Variants in RBFOX1 observed in about 807,000 individuals in gnomAD.
RBFOX1 encodes the protein RNA binding protein fox-1 homolog 1.
In RBFOX1, 8 loss-of-function variants were observed where a neutral mutation model predicts 57.7. That is an observed-to-expected ratio of 0.14 (90% confidence interval 0.08 to 0.25). The LOEUF is 0.25. Among genes scored for constraint, RBFOX1 ranks in the 10% least tolerant of loss-of-function variants. The pLI is 1.00. For missense variants in RBFOX1, 611 were observed against 548.5 expected (o/e 1.11, Z -1.14); for synonymous variants, 326 against 222.4 (o/e 1.47, Z -4.15).
intron 3 of RBFOX1, among the ~76,000 whole-genome samples, chr16:6,656,150 C>T (rs1391470436): frequency 6.6e-6 from 1 of 152,086 alleles, no homozygotes; most frequent in African/African-American, 2.4e-5. Flanking sequence ...TTAGGTGAAG[C>T]GTGTGTCCAA....
chr16:6,859,140 CGTATATATAT>C (rs2058487085), intron 3 of RBFOX1, among the ~76,000 whole-genome samples: 9 of 91,526 alleles, frequency 9.8e-5, no homozygotes, highest in African/African-American at 4.4e-4. Context: ...CATATATATA[CGTATATATAT>C]ATGTATATAT....
chr16:7,302,913 G>A (rs2096067892), intron 4 of RBFOX1, among the ~76,000 whole-genome samples: 1 of 152,062 alleles, frequency 6.6e-6, no homozygotes, highest in African/African-American at 2.4e-5. Flanking sequence ...AGAGCAGAAT[G>A]TTAATTTGGC....
chr16:5,945,718 A>C (rs2059388276), intron 4 of RBFOX1, among the ~76,000 whole-genome samples: 1 of 152,184 alleles, frequency 6.6e-6, no homozygotes, highest in African/African-American at 2.4e-5. Flanking sequence ...AGAATCTGCA[A>C]ACCTCCACTG....
At chr16:5,763,971 C>G (rs576306136) in intron 3 of RBFOX1, among the ~76,000 whole-genome samples, 4 of 152,274 alleles carry the variant, frequency 2.6e-5, no homozygotes, top group African/African-American at 9.6e-5. Context: ...CGTCTATCTC[C>G]TATGCTAGAA....
chr16:5,493,389 C>T (rs1305131575), intron 2 of RBFOX1, among the ~76,000 whole-genome samples: 4 of 152,132 alleles, frequency 2.6e-5, no homozygotes, highest in Non-Finnish European at 5.9e-5. Flanking sequence ...TTAAGACAAA[C>T]CCTCCGCACC....
intron 3 of RBFOX1, among the ~76,000 whole-genome samples, chr16:5,757,077 T>G (rs562492046): frequency 6.6e-6 from 1 of 152,298 alleles, no homozygotes; most frequent in Admixed American, 6.5e-5. Flanking sequence ...TTCTTCAGAT[T>G]CATTGAGACC....
At chr16:5,527,377 G>C (rs139808446) in intron 2 of RBFOX1, among the ~76,000 whole-genome samples, 428 of 152,330 alleles carry the variant, frequency 2.8e-3, no homozygotes, top group Middle Eastern at 0.024. Flanking sequence ...CCTCCATGCT[G>C]TTTCTCTTCC....
At chr16:6,082,393 G>T (rs2096016918) in intron 1 of RBFOX1, among the ~76,000 whole-genome samples, 1 of 112,576 alleles carries the variant, frequency 8.9e-6, no homozygotes, top group Non-Finnish European at 1.8e-5. Context: ...TAGTAGTCAT[G>T]GGGTCTCACC....
intron 10 of RBFOX1, 119 bp downstream of exon 10, chr16:7,607,457 T>C (rs1219480814): frequency 1.8e-5 from 17 of 939,192 alleles, no homozygotes; most frequent in Non-Finnish European, 2.7e-5. Context: ...CCTAACAAGT[T>C]CTGAATGATT....
intron 1 of RBFOX1, among the ~76,000 whole-genome samples, chr16:6,059,818 C>A (rs925841743): frequency 1.3e-5 from 2 of 152,124 alleles, no homozygotes; most frequent in African/African-American, 4.8e-5. Flanking sequence ...CAATTTTCAC[C>A]ACTTAAAGAG....
chr16:5,999,139 A>G (rs1243905833), intron 4 of RBFOX1, among the ~76,000 whole-genome samples: 1 of 152,156 alleles, frequency 6.6e-6, no homozygotes, highest in Non-Finnish European at 1.5e-5. Flanking sequence ...AACTTTCTGA[A>G]CAGTCCTCTC....
At chr16:6,561,358 A>C (rs1453423559) in intron 2 of RBFOX1, among the ~76,000 whole-genome samples, 1 of 152,164 alleles carries the variant, frequency 6.6e-6, no homozygotes, top group Non-Finnish European at 1.5e-5. Context: ...GTAGTCTGTA[A>C]CCATTCAGTA....
chr16:5,777,167 G>T (rs1458914834), intron 3 of RBFOX1, among the ~76,000 whole-genome samples: 2 of 152,150 alleles, frequency 1.3e-5, no homozygotes, highest in Non-Finnish European at 2.9e-5. Context: ...AATCAGCAAG[G>T]TTGTTTTCCT....
chr16:6,669,488 A>G (rs1490832441), intron 3 of RBFOX1, among the ~76,000 whole-genome samples: 1 of 152,128 alleles, frequency 6.6e-6, no homozygotes, highest in Non-Finnish European at 1.5e-5. Context: ...GTTTTTTTCC[A>G]GAGTGATTGC....
intron 3 of RBFOX1, among the ~76,000 whole-genome samples, chr16:6,908,127 T>G (rs2153426411): frequency 6.6e-6 from 1 of 151,918 alleles, no homozygotes; most frequent in African/African-American, 2.4e-5. Flanking sequence ...TCCACATGTT[T>G]TGGAGGGAAA....
chr16:6,218,964 A>T (rs11645590), intron 1 of RBFOX1, among the ~76,000 whole-genome samples: 1 of 151,944 alleles, frequency 6.6e-6, no homozygotes, highest in African/African-American at 2.4e-5. Context: ...ATAAAAGCAT[A>T]ATAGTCAGTA....
At chr16:5,795,345 C>T (rs1001229099) in intron 3 of RBFOX1, among the ~76,000 whole-genome samples, 1 of 151,900 alleles carries the variant, frequency 6.6e-6, no homozygotes, top group Non-Finnish European at 1.5e-5. Flanking sequence ...ACTCTGTTAC[C>T]CTGGCTGGAG....
At chr16:6,163,930 T>C (rs1421803784) in intron 1 of RBFOX1, among the ~76,000 whole-genome samples, 1 of 152,230 alleles carries the variant, frequency 6.6e-6, no homozygotes, top group African/African-American at 2.4e-5. Context: ...ATTTGAGGTT[T>C]ACAATGTGAT....
chr16:7,474,506 G>A (rs911955613), intron 4 of RBFOX1, among the ~76,000 whole-genome samples: 14 of 152,214 alleles, frequency 9.2e-5, no homozygotes, highest in African/African-American at 3.4e-4. Context: ...GTGACCTGGT[G>A]AACAGCCAAC....
Sources: gnomAD v4.1 joint callset for allele counts (sites outside exome capture counted in the v4.1 genomes callset) on GRCh38, gnomAD v4.1.1 for gene constraint, MANE v1.5 for transcripts, NCBI Gene and HGNC (gene_info 2026-07-23, HGNC 2026-07-21) for gene names.